The following CHIA variants were observed in gnomAD, a reference collection of about 807,000 sequenced individuals.
The protein encoded by CHIA is acidic mammalian chitinase.
A neutral mutation model predicts 53.5 loss-of-function variants in CHIA; 47 were observed. That is an observed-to-expected ratio of 0.88 (90% CI 0.70 to 1.12). The LOEUF (loss-of-function observed/expected upper bound fraction) is 1.12, where lower values mean the gene tolerates loss of function less well. Ranked by LOEUF, CHIA falls within the 50% of genes most tolerant of loss-of-function variation. The probability of loss-of-function intolerance (pLI) is 0.00; values close to 1 mark genes in which losing one functional copy is unlikely to be tolerated. For synonymous variants in CHIA, 268 were observed against 222.2 expected (o/e 1.21, Z -1.83); for missense variants, 652 against 592.2 (o/e 1.10, Z -1.05).
At chr1:111,310,355 C>T in intron 1 of CHIA, 45 bp from the exon 2 acceptor site, 1 of 1,564,802 alleles carries the variant, frequency 6.4e-7, no homozygotes, top group South Asian at 1.2e-5. Flanking sequence ...CGTTGATTTA[C>T]TGATTAACTA....
At chr1:111,299,212 G>A (rs1473619862) in intron 1 of CHIA, among the ~76,000 whole-genome samples, 1 of 152,158 alleles carries the variant, frequency 6.6e-6, no homozygotes, top group Non-Finnish European at 1.5e-5. Flanking sequence ...AATAGAAAAA[G>A]AGGGAATCCT....
rs149869566 is a variant in CHIA, at chr1:111,320,311, G to A, written c.1276G>A (p.Gly426Ser). 61 of 1,614,120 alleles carry A rather than the reference G, an allele frequency of 3.8e-5. No homozygotes were observed. The highest frequency in any genetic ancestry group is 6.7e-5 in the Admixed American group (4 of 60,010). ...GSSSSGGSSG[G>S]SGFCAVRANG... Reference sequence around the variant, plus strand: ...TAGCAGCTCTGGAGGCAGCTCGGGAGGCAGTGGATTCTGTGCTGTCAGAGC... The same window carrying A: ...TAGCAGCTCTGGAGGCAGCTCGGGAAGCAGTGGATTCTGTGCTGTCAGAGC... The change falls in exon 12 of 12, where the codon GGC (glycine) becomes AGC (serine). Residue 426 changes from glycine (G) to serine (S), a missense_variant. Physicochemically the swap from Gly to Ser is moderately conservative, Grantham distance 56. Coordinates refer to ENST00000369740, the MANE Select transcript of CHIA (RefSeq NM_201653.4).
rs756251575 is a variant in CHIA at position 111,315,305 on chromosome 1, A to C, written c.350A>C (p.Gln117Pro). 3.1e-6 allele frequency: 5 copies of C among 1,613,008 alleles called. No homozygotes were observed. Among genetic ancestry groups the C allele is most frequent in the Non-Finnish European group, 4.2e-6 (5 of 1,179,932 alleles). The part of the protein sequence containing the change: ...TAMVSTPENR[Q>P]TFITSVIKFL... The stretch of plus-strand genomic sequence containing the variant: ...ATGGTTTCTACTCCTGAGAACCGCC[A>C]GACTTTCATCACCTCAGTCATCAAA... Residue 117 changes from glutamine to proline, a missense_variant, in exon 6 of 12, where the codon CAG (glutamine) becomes CCG (proline). Gln to Pro is a moderately conservative substitution (Grantham distance 76). Coordinates refer to ENST00000369740, the MANE Select transcript of CHIA (RefSeq NM_201653.4).
intron 2 of CHIA, 131 bp downstream of exon 2, chr1:111,310,623 T>A (rs775028054): frequency 5.8e-5 from 88 of 1,514,630 alleles, no homozygotes; most frequent in Admixed American, 8.8e-5. Context: ...CATTTCAAAT[T>A]TCAAATGAAT....
chr1:111,319,674 G>T (rs1199181602), intron 11 of CHIA, among the ~76,000 whole-genome samples: 1 of 152,200 alleles, frequency 6.6e-6, no homozygotes, highest in Non-Finnish European at 1.5e-5. Flanking sequence ...GCCTAACTGG[G>T]TGGGTGTTCT....
Position 111,305,855 on chromosome 1 carries a change from C to A in CHIA, c.-68-4545C>A, listed in dbSNP as rs112386191. Among the ~76,000 whole-genome samples, 978 of 152,108 alleles carry A rather than the reference C, an allele frequency of 6.4e-3. 14 individuals carry two copies. The highest frequency in any genetic ancestry group is 0.022 in the African/African-American group (921 of 41,488). ...CAGATGACATAGAAACCAAAAAATG[C>A]GTAGAAAAGTATTTAAGCTAATAAT... On this transcript the variant is annotated intron_variant, in intron 1 of 11. Transcript: ENST00000369740.
intron 1 of CHIA, among the ~76,000 whole-genome samples, chr1:111,293,090 G>C (rs1661123878): frequency 6.6e-6 from 1 of 152,026 alleles, no homozygotes; most frequent in Admixed American, 6.6e-5. Flanking sequence ...AGTTATTTTG[G>C]GTATACCTAG....
Position 111,317,681 on chromosome 1 carries a change from G to A in CHIA, c.481G>A (p.Glu161Lys), listed in dbSNP as rs866842630. 1 of 1,614,126 alleles carries A rather than the reference G, an allele frequency of 6.2e-7. No homozygotes were observed. Among genetic ancestry groups the A allele is most frequent in the Non-Finnish European group, 8.5e-7 (1 of 1,180,006 alleles). The change falls in exon 7 of 12, where the codon GAA becomes AAA. Residue 161 changes from glutamate (E) to lysine (K), a missense_variant and splice_region_variant. Coordinates refer to ENST00000369740, the MANE Select transcript of CHIA (RefSeq NM_201653.4). ...DKHLFTVLVQ[E>K]MREAFEQEAK... Reference sequence around the variant, plus strand: ...CCTATTATGCCTTATTATTCTGTAGGAAATGCGTGAAGCTTTTGAGCAGGA... The same window carrying A: ...CCTATTATGCCTTATTATTCTGTAGAAAATGCGTGAAGCTTTTGAGCAGGA...
At chr1:111,314,001 G>A (rs1005421462) in intron 4 of CHIA, among the ~76,000 whole-genome samples, 38 of 152,152 alleles carry the variant, frequency 2.5e-4, no homozygotes, top group African/African-American at 8.9e-4. Context: ...AGGTACCTGA[G>A]TAAGTGTTAG....
chr1:111,315,519 C>G (rs1180005279), intron 6 of CHIA, 84 bp downstream of exon 6: 1 of 1,396,620 alleles, frequency 7.2e-7, no homozygotes, highest in East Asian at 2.4e-5. Flanking sequence ...TAGGGTAAAA[C>G]AAAACTTGAA....
At chr1:111,314,488 G>A in intron 4 of CHIA, 52 bp from the exon 5 acceptor site, 2 of 1,237,190 alleles carry the variant, frequency 1.6e-6, no homozygotes. Flanking sequence ...TATTTTAAAT[G>A]GAGGGAGTCC....
intron 1 of CHIA, among the ~76,000 whole-genome samples, chr1:111,294,578 T>C (rs997270206): frequency 1.3e-5 from 2 of 152,240 alleles, no homozygotes; most frequent in Non-Finnish European, 2.9e-5. Flanking sequence ...GTTAAGACTA[T>C]GTTGAATAGA....
chr1:111,311,646 A>G, intron 2 of CHIA, 43 bp from the exon 3 acceptor site: 2 of 1,609,964 alleles, frequency 1.2e-6, no homozygotes, highest in Non-Finnish European at 1.7e-6. Context: ...TCTACGGGGT[A>G]CAGACAATCG....
intron 8 of CHIA, 121 bp downstream of exon 8, chr1:111,318,230 A>G (rs944675195): frequency 1.2e-5 from 13 of 1,096,276 alleles, no homozygotes; most frequent in Admixed American, 2.6e-5. Context: ...AGGCTGCCAT[A>G]ATTAATTAAA....
chr1:111,306,991 G>A (rs796730095), intron 1 of CHIA, among the ~76,000 whole-genome samples: 3 of 152,280 alleles, frequency 2.0e-5, no homozygotes, highest in Admixed American at 1.3e-4. Context: ...ATTCTCATAC[G>A]TTGCTGTTGG....
chr1:111,291,826 C>A (rs1661038155), intron 1 of CHIA, among the ~76,000 whole-genome samples: 1 of 92,370 alleles, frequency 1.1e-5, no homozygotes, highest in Admixed American at 1.3e-4. Context: ...ACACTGGGGC[C>A]TGTCGGGGGG....
rs1188512345 is a variant in CHIA, at chr1:111,297,901, C to CAAAAAA, written c.-69+6970_-69+6975dup. ...GAAGATCTACCAAGCAAATGGAAAG[C>CAAAAAA]AAAAAAAAAAAAAAAAAAAAAAAAC... On this transcript the variant is annotated intron_variant, in intron 1 of 11. Coordinates refer to ENST00000369740, the MANE Select transcript of CHIA (RefSeq NM_201653.4). Among the ~76,000 whole-genome samples, 80 of 31,840 alleles carry CAAAAAA rather than the reference C, an allele frequency of 2.5e-3. 2 individuals carry two copies. Among genetic ancestry groups the CAAAAAA allele is most frequent in the African/African-American group, 3.5e-3 (24 of 6,854 alleles). The allele number at this position is 31,840 out of a possible 152,430, so 20.9% of individuals were successfully genotyped here.
rs992256299 is a variant in CHIA at position 111,310,447 on chromosome 1, G to T, written c.-21G>T. ...ATCAGAACATATAAAAAGCTCTGCG[G>T]GACTGGTGCTGACTGCAACCATGAC... On this transcript the variant is annotated 5_prime_UTR_variant, in exon 2 of 12. Transcript: ENST00000369740. 2 of 1,590,080 alleles carry T rather than the reference G, an allele frequency of 1.3e-6. No individual in the cohort carries two copies.
chr1:111,304,612 T>A (rs1648028851), intron 1 of CHIA, among the ~76,000 whole-genome samples: 1 of 152,202 alleles, frequency 6.6e-6, no homozygotes, highest in South Asian at 2.1e-4. Flanking sequence ...TTAAAAATCT[T>A]ATTATTGAAA....
Sources: allele counts gnomAD v4.1 joint callset (sites outside exome capture counted in the v4.1 genomes callset), GRCh38; gene constraint gnomAD v4.1.1; transcripts MANE v1.5; gene names NCBI Gene and HGNC (gene_info 2026-07-23, HGNC 2026-07-21).